WNK1: variants seen among roughly 807,000 people sequenced by gnomAD.
WNK1 encodes WNK lysine deficient protein kinase 1, also known as serine/threonine-protein kinase WNK1.
Under a neutral mutation model 222.8 loss-of-function variants are expected in WNK1, and 38 were observed. The observed-to-expected ratio is 0.17, with a 90% confidence interval of 0.13 to 0.22. WNK1 has a LOEUF of 0.22. Among genes scored for constraint, WNK1 ranks in the 10% least tolerant of loss-of-function variants. WNK1 has a pLI of 1.00. For synonymous variants in WNK1, 1,090 were observed against 1,092.9 expected (o/e 1.00, Z 0.05); for missense variants, 2,348 against 2,918.4 (o/e 0.80, Z 4.50).
chr12:753,793 G>A lies in WNK1; in HGVS notation c.228G>A (p.Glu76=), dbSNP rs1224465724. 6.2e-7 allele frequency: 1 copy of A among 1,612,540 alleles called. No homozygotes were observed. Among genetic ancestry groups the A allele is most frequent in the Non-Finnish European group, 8.5e-7 (1 of 1,179,972 alleles). ...RGAAATTTTT[E]HRFFRRSVIC... is the part of the protein sequence containing the mutation. ...CGGCCGCGACCACTACCACCACTGAGCACCGCTTCTTCCGCCGGAGCGTCA... is the reference window on the plus strand; with the variant it reads ...CGGCCGCGACCACTACCACCACTGAACACCGCTTCTTCCGCCGGAGCGTCA... Residue 76 remains glutamate (E), a synonymous_variant, in exon 1 of 28, where the codon GAG becomes GAA. Coordinates refer to ENST00000315939, the MANE Select transcript of WNK1 (RefSeq NM_018979.4). This position sits in a 1 kb window ranked among gnomAD's most constrained non-coding sequence, Gnocchi z 5.2.
Position 896,781 on chromosome 12 carries a change from C to G in WNK1, c.6245+49C>G, listed in dbSNP as rs751815674. 17 of 1,585,156 alleles carry G rather than the reference C, an allele frequency of 1.1e-5. No individual in the cohort carries two copies. The Admixed American group carries it at 2.6e-4, about 24-fold the overall frequency. On this transcript the variant is annotated intron_variant, in intron 24 of 27. Transcript: ENST00000315939. ...AGAATGTCAGATAAGGTTTTCAGAC[C>G]TAGATCCCAGGGCCAAGATTAATAA...
chr12:834,512 G>C (rs1051771276), intron 4 of WNK1, among the ~76,000 whole-genome samples: 9 of 152,298 alleles, frequency 5.9e-5, no homozygotes, highest in Admixed American at 5.9e-4. Context: ...TTGTGACATG[G>C]TATAATGGTA....
intron 1 of WNK1, among the ~76,000 whole-genome samples, chr12:801,141 C>A (rs539955024): frequency 6.6e-6 from 1 of 152,194 alleles, no homozygotes; most frequent in African/African-American, 2.4e-5. Flanking sequence ...CTGTAACTTT[C>A]TTGAGTTATG....
chr12:801,100 C>G (rs1352171648), intron 1 of WNK1, among the ~76,000 whole-genome samples: 1 of 152,154 alleles, frequency 6.6e-6, no homozygotes, highest in Admixed American at 6.5e-5. Context: ...CTCTCTCATC[C>G]TCTTTATTGT....
chr12:786,055 A>T (rs1477583567), intron 1 of WNK1, among the ~76,000 whole-genome samples: 1 of 152,118 alleles, frequency 6.6e-6, no homozygotes, highest in Admixed American at 6.5e-5. Context: ...TTTTATTAAA[A>T]CTTTTTATTT....
At position 754,124 on chromosome 12, in the gene WNK1, G is replaced by GGCGGCA. The variant is rs1357735230; in HGVS notation, c.563_568dup (p.Gly188_Ser189dup). On this transcript the variant is annotated inframe_insertion, in exon 1 of 28. Transcript: ENST00000315939. ...GCCGCCGGCGAGAAGTGGCAGCGGC[G>GGCGGCA]GCGGCAGCGCCAAGGAGCCACAGGA... 6.2e-7 allele frequency: 1 copy of GGCGGCA among 1,611,044 alleles called. No homozygotes were observed. Among genetic ancestry groups the GGCGGCA allele is most frequent in the African/African-American group, 1.3e-5 (1 of 74,940 alleles).
rs1437362066 is a variant in WNK1 at position 908,510 on chromosome 12, G to A, written c.6867G>A (p.Gly2289=). ...PGMARKFSAP[G]QLCISMTSNL... Reference sequence around the variant, plus strand: ...TGGCAAGGAAGTTCTCTGCACCTGGGCAACTGTGCATCTCCATGACCTCGA... The same window carrying A: ...TGGCAAGGAAGTTCTCTGCACCTGGACAACTGTGCATCTCCATGACCTCGA... The change falls in exon 28 of 28, where the codon GGG becomes GGA. Residue 2289 remains glycine (G), a synonymous_variant. Coordinates refer to ENST00000315939, the MANE Select transcript of WNK1 (RefSeq NM_018979.4). 6.2e-7 allele frequency: 1 copy of A among 1,614,106 alleles called. No homozygotes were observed. The highest frequency in any genetic ancestry group is 1.7e-5 in the Admixed American group (1 of 60,016).
intron 26 of WNK1, among the ~76,000 whole-genome samples, chr12:904,678 C>T (rs1187463968): frequency 6.6e-6 from 1 of 152,132 alleles, no homozygotes; most frequent in African/African-American, 2.4e-5. Flanking sequence ...TCAGTGATAA[C>T]CCCATGTGAG....
intron 8 of WNK1, among the ~76,000 whole-genome samples, chr12:863,664 A>G (rs1390866166): frequency 6.6e-6 from 1 of 152,126 alleles, no homozygotes; most frequent in Non-Finnish European, 1.5e-5. Flanking sequence ...CCATTAATCT[A>G]GCTATATTTA....
At chr12:902,093 C>T (rs1023206753) in intron 26 of WNK1, among the ~76,000 whole-genome samples, 1 of 151,158 alleles carries the variant, frequency 6.6e-6, no homozygotes, top group African/African-American at 2.4e-5. Context: ...AGGCCAGGAG[C>T]TCGAGACCAA....
intron 1 of WNK1, among the ~76,000 whole-genome samples, chr12:784,193 A>T (rs1944032370): frequency 1.3e-5 from 2 of 152,196 alleles, no homozygotes; most frequent in Admixed American, 1.3e-4. Context: ...CTGTGCTCCA[A>T]CCTGGGTATC....
intron 22 of WNK1, among the ~76,000 whole-genome samples, chr12:892,463 A>G (rs1954342358): frequency 1.3e-5 from 2 of 152,206 alleles, no homozygotes; most frequent in Non-Finnish European, 2.9e-5. Context: ...GAGTTCTCAG[A>G]TAAGTTTAAT....
At chr12:850,241 CT>C (rs1474637148) in intron 4 of WNK1, among the ~76,000 whole-genome samples, 1 of 152,128 alleles carries the variant, frequency 6.6e-6, no homozygotes, top group Non-Finnish European at 1.5e-5. Context: ...TGTTTCCTGA[CT>C]TTTTAATGAT....
At chr12:883,975 C>T in intron 17 of WNK1, 144 bp downstream of exon 17, 1 of 1,478,340 alleles carries the variant, frequency 6.8e-7, no homozygotes, top group Admixed American at 1.8e-5. Flanking sequence ...TTGCAGTGAG[C>T]TGAGATCGCG....
rs1953432669 is a variant in WNK1 at position 884,054 on chromosome 12, A to G, written c.3722-67A>G. ...AAAAAAGCAGTTGTATGTGCCAATAATGAAGTCTAACAATATTTATAATAA... is the reference window on the plus strand; with the variant it reads ...AAAAAAGCAGTTGTATGTGCCAATAGTGAAGTCTAACAATATTTATAATAA... On this transcript the variant is annotated intron_variant, in intron 17 of 27. Transcript: ENST00000315939. The surrounding 1 kb of genome is among the most constrained non-coding windows in gnomAD (Gnocchi z 5.6). The G allele has an allele frequency of 6.2e-7, 1 of 1,605,864 alleles. No homozygotes were observed. Among genetic ancestry groups the G allele is most frequent in the Non-Finnish European group, 8.5e-7 (1 of 1,174,206 alleles).
rs184058904 is a variant in WNK1, at chr12:827,743, G to A, written c.1153+481G>A. On this transcript the variant is annotated intron_variant, in intron 3 of 27. Coordinates refer to ENST00000315939, the MANE Select transcript of WNK1 (RefSeq NM_018979.4). This position sits in a 1 kb window ranked among gnomAD's most constrained non-coding sequence, Gnocchi z 4.6. The stretch of plus-strand genomic sequence containing the variant: ...GGGGTTTCACCGTGTTGGCCAGGCT[G>A]GTCTCGAACTCCTGGCCTCAAGTGA... 2.1e-4 allele frequency among the ~76,000 whole-genome samples: 32 copies of A among 152,114 alleles called. No homozygotes were observed. The highest frequency in any genetic ancestry group is 4.7e-4 in the Non-Finnish European group (32 of 67,986).
At chr12:865,751 C>T (rs1565543453) in intron 8 of WNK1, among the ~76,000 whole-genome samples, 1 of 151,610 alleles carries the variant, frequency 6.6e-6, no homozygotes, top group Non-Finnish European at 1.5e-5. Context: ...AACATTTTTT[C>T]TCCTCACTTT....
Position 894,544 on chromosome 12 carries a change from TC to T in WNK1, c.5510-16del. On this transcript the variant is annotated splice_polypyrimidine_tract_variant and intron_variant, in intron 22 of 27. Transcript: ENST00000315939. ...GAAGGAGACACTTATGTTTTCCTCA[TC>T]CATGTATTTGTTTCAGTTTCTCAAG... 6.2e-7 allele frequency: 1 copy of T among 1,606,916 alleles called. No individual in the cohort carries two copies. The highest frequency in any genetic ancestry group is 8.5e-7 in the Non-Finnish European group (1 of 1,173,528).
chr12:760,179 G>A (rs561317796), intron 1 of WNK1, among the ~76,000 whole-genome samples: 1 of 147,978 alleles, frequency 6.8e-6, no homozygotes, highest in African/African-American at 2.4e-5. Context: ...TTCAGAATCT[G>A]CTAAGATCCT....
Sources: gnomAD v4.1 joint callset for allele counts (sites outside exome capture counted in the v4.1 genomes callset) on GRCh38, gnomAD v4.1.1 for gene constraint, Gnocchi (gnomAD v3.1) non-coding constraint, MANE v1.5 for transcripts, NCBI Gene and HGNC (gene_info 2026-07-23, HGNC 2026-07-21) for gene names.